The following ATOSA variants were observed in gnomAD, a reference collection of about 807,000 sequenced individuals.
ATOSA encodes atos homolog A, also known as atos homolog protein A.
the ATOSA span, among the ~76,000 whole-genome samples, chr15:52,596,512 G>A: frequency 2.5e-4 from 38 of 152,244 alleles, no homozygotes; most frequent in Non-Finnish European, 5.1e-4. Context: ...AGATCTAAAC[G>A]TATGAGCTAA....
the ATOSA span, among the ~76,000 whole-genome samples, chr15:52,598,886 C>G: frequency 2.6e-5 from 4 of 152,122 alleles, no homozygotes; most frequent in Non-Finnish European, 5.9e-5. Context: ...TAGGTTCTTA[C>G]GAGATCCGGT....
chr15:52,698,600 T>G, the ATOSA span, among the ~76,000 whole-genome samples: 1 of 152,348 alleles, frequency 6.6e-6, no homozygotes, highest in African/African-American at 2.4e-5. Flanking sequence ...CTATGTTGAC[T>G]GAAAGAAGTC....
At chr15:52,677,652 T>G in the ATOSA span, among the ~76,000 whole-genome samples, 2 of 152,232 alleles carry the variant, frequency 1.3e-5, no homozygotes. Context: ...TTAAAAAGCT[T>G]ATGAACTTCT....
chr15:52,656,098 T>C, the ATOSA span: 1 of 152,118 alleles, frequency 6.6e-6, no homozygotes, highest in East Asian at 1.9e-4. Flanking sequence ...ATGAGACAAC[T>C]CTTGATCAAA....
chr15:52,684,729 T>C, the ATOSA span, among the ~76,000 whole-genome samples: 107 of 152,332 alleles, frequency 7.0e-4, no homozygotes, highest in African/African-American at 2.4e-3. Flanking sequence ...TTCTTTCTTT[T>C]TTTCAAATTT....
At chr15:52,704,157 A>C in the ATOSA span, among the ~76,000 whole-genome samples, 1 of 152,226 alleles carries the variant, frequency 6.6e-6, no homozygotes, top group South Asian at 2.1e-4. Context: ...ACCAAAACAG[A>C]GATATAGACC....
the ATOSA span, among the ~76,000 whole-genome samples, chr15:52,614,096 TTAA>T: frequency 1.3e-5 from 2 of 151,798 alleles, no homozygotes; most frequent in South Asian, 2.1e-4. Context: ...TGTAATATAA[TTAA>T]TAATAATAAT....
chr15:52,663,711 C>T, the ATOSA span, among the ~76,000 whole-genome samples: 2 of 152,310 alleles, frequency 1.3e-5, no homozygotes, highest in African/African-American at 2.4e-5. Context: ...AGCCTTAAAT[C>T]CTCAGCTCAA....
the ATOSA span, among the ~76,000 whole-genome samples, chr15:52,602,194 T>C: frequency 1.3e-5 from 2 of 152,226 alleles, no homozygotes; most frequent in Admixed American, 1.3e-4. Context: ...CCGATCCTAG[T>C]TTGCTGTTTA....
the ATOSA span, among the ~76,000 whole-genome samples, chr15:52,676,022 T>C: frequency 6.6e-6 from 1 of 151,876 alleles, no homozygotes; most frequent in African/African-American, 2.4e-5. Context: ...AGGATAAATA[T>C]ATTAACAACA....
At chr15:52,652,423 T>G in the ATOSA span, among the ~76,000 whole-genome samples, 1 of 152,162 alleles carries the variant, frequency 6.6e-6, no homozygotes, top group Non-Finnish European at 1.5e-5. Flanking sequence ...TTCTACCAAG[T>G]GAAACCCTCT....
At chr15:52,589,599 T>G in the ATOSA span, among the ~76,000 whole-genome samples, 1 of 152,164 alleles carries the variant, frequency 6.6e-6, no homozygotes, top group Non-Finnish European at 1.5e-5. Flanking sequence ...TTTAAAACAA[T>G]TTGTAAGCAA....
At chr15:52,657,037 A>G in the ATOSA span, 1 of 152,134 alleles carries the variant, frequency 6.6e-6, no homozygotes, top group Non-Finnish European at 1.5e-5. Context: ...AATGGATCCC[A>G]TATTTACTTG....
the ATOSA span, among the ~76,000 whole-genome samples, chr15:52,632,528 AAAT>A: frequency 6.6e-5 from 10 of 152,284 alleles, no homozygotes; most frequent in African/African-American, 2.2e-4. Context: ...GGGAAAGGTG[AAAT>A]AATAATTCTT....
the ATOSA span, chr15:52,611,682 G>A: frequency 6.2e-7 from 1 of 1,613,994 alleles, no homozygotes; most frequent in Non-Finnish European, 8.5e-7. Context: ...CATCGCTGTA[G>A]CAGCAGTCTG....
At chr15:52,586,054 G>A in the ATOSA span, 3 of 152,182 alleles carry the variant, frequency 2.0e-5, no homozygotes, top group African/African-American at 4.8e-5. Context: ...AACAAGAGGT[G>A]AATGTGTTAC....
At chr15:52,588,952 G>C in the ATOSA span, among the ~76,000 whole-genome samples, 4 of 152,144 alleles carry the variant, frequency 2.6e-5, no homozygotes, top group East Asian at 7.7e-4. Context: ...TGTTGGGTTC[G>C]GAAGTTGGAC....
chr15:52,673,064 CACTA>C, the ATOSA span, among the ~76,000 whole-genome samples: 4,455 of 152,306 alleles, frequency 0.029, 91 homozygotes, highest in Non-Finnish European at 0.041. Flanking sequence ...CCTCAGCTTT[CACTA>C]ACTGACTGGT....
At chr15:52,662,913 A>G in the ATOSA span, among the ~76,000 whole-genome samples, 1 of 152,202 alleles carries the variant, frequency 6.6e-6, no homozygotes, top group Admixed American at 6.5e-5. Flanking sequence ...TGGAGAAGAA[A>G]AAGAATTAGC....
Sources: gnomAD v4.1 joint callset for allele counts (sites outside exome capture counted in the v4.1 genomes callset) on GRCh38, gnomAD v4.1.1 for gene constraint, MANE v1.5 for transcripts, NCBI Gene and HGNC (gene_info 2026-07-23, HGNC 2026-07-21) for gene names.